Variants in GRIN2B observed in about 807,000 individuals in gnomAD.
GRIN2B encodes glutamate receptor ionotropic, NMDA 2B.
A neutral mutation model predicts 114.5 loss-of-function variants in GRIN2B; 5 were observed. That is an observed-to-expected ratio of 0.04 (90% CI 0.02 to 0.09). GRIN2B has a LOEUF of 0.09. Ranked by LOEUF, GRIN2B falls within the 10% of genes least tolerant of loss-of-function variation. The pLI is 1.00. For synonymous variants in GRIN2B, 787 were observed against 745.1 expected, an observed-to-expected ratio of 1.06 and a Z score of -0.92; for missense variants, 1,108 against 1,943.5, an observed-to-expected ratio of 0.57 and a Z score of 8.08.
At chr12:13,627,173 C>G (rs183504926) in intron 5 of GRIN2B, among the ~76,000 whole-genome samples, 22 of 152,158 alleles carry the variant, frequency 1.4e-4, no homozygotes, top group African/African-American at 5.3e-4. Flanking sequence ...AAAGTAAATA[C>G]AAGTGAGAGT....
chr12:13,609,662 A>C (rs1481621200), intron 9 of GRIN2B, among the ~76,000 whole-genome samples: 2 of 151,940 alleles, frequency 1.3e-5, no homozygotes, highest in African/African-American at 2.4e-5. Flanking sequence ...AGTCCCAGCT[A>C]TTCGGGAGCC....
intron 3 of GRIN2B, among the ~76,000 whole-genome samples, chr12:13,847,827 A>T (rs1290185309): frequency 6.6e-6 from 1 of 152,140 alleles, no homozygotes; most frequent in African/African-American, 2.4e-5. Flanking sequence ...CTTAGTGCAG[A>T]AAGTAGGGTT....
intron 2 of GRIN2B, among the ~76,000 whole-genome samples, chr12:13,958,584 C>A (rs1867635227): frequency 6.6e-6 from 1 of 152,190 alleles, no homozygotes; most frequent in Non-Finnish European, 1.5e-5. Flanking sequence ...TTAGCAGATG[C>A]CCAGGACATG....
At chr12:13,671,191 G>T (rs941120003) in intron 5 of GRIN2B, among the ~76,000 whole-genome samples, 2 of 151,968 alleles carry the variant, frequency 1.3e-5, no homozygotes, top group African/African-American at 2.4e-5. Context: ...ACACAAGAAG[G>T]GTATTGACTA....
chr12:13,789,177 T>C (rs1427165256), intron 3 of GRIN2B, among the ~76,000 whole-genome samples: 1 of 152,230 alleles, frequency 6.6e-6, no homozygotes. Context: ...TCAGAGGTTA[T>C]AAACTCTTAT....
At chr12:13,755,268 G>C (rs1863557014) in intron 3 of GRIN2B, among the ~76,000 whole-genome samples, 1 of 152,166 alleles carries the variant, frequency 6.6e-6, no homozygotes, top group Admixed American at 6.5e-5. Context: ...CATTTCTTCA[G>C]CACCCCTTAT....
intron 4 of GRIN2B, among the ~76,000 whole-genome samples, chr12:13,735,806 C>T (rs909022533): frequency 2.0e-5 from 3 of 152,078 alleles, no homozygotes; most frequent in African/African-American, 7.2e-5. Flanking sequence ...TGCTGCTTAC[C>T]AATAACCAGA....
chr12:13,587,664 GA>G (rs1183819984), intron 10 of GRIN2B, among the ~76,000 whole-genome samples: 2 of 152,208 alleles, frequency 1.3e-5, no homozygotes, highest in Non-Finnish European at 2.9e-5. Context: ...TGAATTTTCA[GA>G]AGAACAACTT....
intron 4 of GRIN2B, among the ~76,000 whole-genome samples, chr12:13,746,356 A>C (rs1427728196): frequency 1.3e-5 from 2 of 152,164 alleles, no homozygotes; most frequent in Non-Finnish European, 2.9e-5. Context: ...ATTGTCACCA[A>C]CCCACGTCCT....
At chr12:13,613,254 C>A (rs1480891885) in intron 8 of GRIN2B, among the ~76,000 whole-genome samples, 1 of 152,196 alleles carries the variant, frequency 6.6e-6, no homozygotes, top group African/African-American at 2.4e-5. Context: ...TGAGTAAAAG[C>A]ACCACCTCTG....
intron 5 of GRIN2B, among the ~76,000 whole-genome samples, chr12:13,664,156 G>C (rs1017073838): frequency 6.6e-6 from 1 of 152,126 alleles, no homozygotes; most frequent in Middle Eastern, 3.2e-3. Flanking sequence ...AGAATCCAAG[G>C]TCAAGAGAAA....
intron 3 of GRIN2B, among the ~76,000 whole-genome samples, chr12:13,809,970 T>C (rs1411974525): frequency 6.6e-6 from 1 of 152,152 alleles, no homozygotes; most frequent in African/African-American, 2.4e-5. Context: ...TCAGGAGATC[T>C]TCTTGCTCTG....
chr12:13,912,208 G>C (rs1359029225), intron 2 of GRIN2B, among the ~76,000 whole-genome samples: 1 of 152,046 alleles, frequency 6.6e-6, no homozygotes, highest in Non-Finnish European at 1.5e-5. Flanking sequence ...CATTCACTCT[G>C]GGTGCAATCT....
intron 5 of GRIN2B, among the ~76,000 whole-genome samples, chr12:13,657,834 T>C (rs950319261): frequency 6.6e-6 from 1 of 152,242 alleles, no homozygotes; most frequent in African/African-American, 2.4e-5. Flanking sequence ...ATTCACAGCA[T>C]ATTGTGATTA....
chr12:13,572,038 A>G (rs1948715604), intron 10 of GRIN2B, 74 bp from the exon 11 acceptor site: 1 of 1,203,034 alleles, frequency 8.3e-7, no homozygotes, highest in African/African-American at 1.5e-5. Context: ...ATTTTAGAAA[A>G]TGTGAAGAGA....
At chr12:13,853,803 A>G (rs1316643125) in intron 3 of GRIN2B, among the ~76,000 whole-genome samples, 2 of 152,218 alleles carry the variant, frequency 1.3e-5, no homozygotes, top group Non-Finnish European at 2.9e-5. Context: ...TGGGTTTAAA[A>G]TACTTTTCTC....
intron 8 of GRIN2B, 24 bp from the exon 9 acceptor site, chr12:13,611,874 C>T: frequency 6.2e-7 from 1 of 1,611,934 alleles, no homozygotes. Flanking sequence ...AAAAGCAGTG[C>T]TCAGGGTTAG....
chr12:13,899,419 C>A (rs572799865), intron 2 of GRIN2B, among the ~76,000 whole-genome samples: 2 of 144,946 alleles, frequency 1.4e-5, no homozygotes, highest in African/African-American at 4.9e-5. Context: ...AGTGTTTAAT[C>A]GTAGGGCAAT....
rs558100242 is a variant in GRIN2B, at chr12:13,544,813, A to G, written c.*17970T>C. 2.6e-5 allele frequency: 4 copies of G among 152,324 alleles called. No homozygotes were observed. The highest frequency in any genetic ancestry group is 2.1e-4 in the South Asian group (1 of 4,828). 9.4% of individuals were successfully genotyped at this position (152,324 alleles called of 1,614,324 possible). On this transcript the variant is annotated 3_prime_UTR_variant, in exon 14 of 14. Transcript: ENST00000609686. ...TAACATCATGGCCCAAGCAACTATGATCTCTTACCAGGATTATTGCAAGAG... is the reference window on the plus strand; with the variant it reads ...TAACATCATGGCCCAAGCAACTATGGTCTCTTACCAGGATTATTGCAAGAG...
Sources: allele counts gnomAD v4.1 joint callset (sites outside exome capture counted in the v4.1 genomes callset), GRCh38; gene constraint gnomAD v4.1.1; transcripts MANE v1.5; gene names NCBI Gene and HGNC (gene_info 2026-07-23, HGNC 2026-07-21).